ROBO3: variants seen among roughly 807,000 people sequenced by gnomAD.
ROBO3 encodes the protein roundabout guidance receptor 3, also known as roundabout homolog 3.
Under a neutral mutation model 160.5 loss-of-function variants are expected in ROBO3, and 97 were observed. The ratio of observed to expected loss-of-function variants is 0.60; its 90% CI spans 0.51 to 0.72. The LOEUF (loss-of-function observed/expected upper bound fraction) is 0.72, where lower values mean the gene tolerates loss of function less well. Ranked by LOEUF, ROBO3 falls within the 30% of genes least tolerant of loss-of-function variation. The probability of loss-of-function intolerance (pLI) is 0.00; values close to 1 mark genes in which losing one functional copy is unlikely to be tolerated. For missense variants in ROBO3, 1,858 were observed against 1,846.5 expected (o/e 1.01, Z -0.11); for synonymous variants, 780 against 746.2 (o/e 1.05, Z -0.74).
Position 124,865,481 on chromosome 11 carries a change from C to T in ROBO3, c.-97C>T, listed in dbSNP as rs1305930500. On this transcript the variant is annotated 5_prime_UTR_variant, in exon 1 of 28. Transcript: ENST00000397801. This position sits in a 1 kb window ranked among gnomAD's most constrained non-coding sequence, Gnocchi z 5.5. ...GCGGCACCGTGGCTGCCGCAGCGCGCAGAGGCTGTGGAGGGGCTTACGGCT... is the reference window on the plus strand; with the variant it reads ...GCGGCACCGTGGCTGCCGCAGCGCGTAGAGGCTGTGGAGGGGCTTACGGCT... 1.5e-6 allele frequency: 2 copies of T among 1,294,612 alleles called. No homozygotes were observed. The highest frequency in any genetic ancestry group is 2.5e-5 in the East Asian group (1 of 39,542). 80.2% of individuals were successfully genotyped at this position (1,294,612 alleles called of 1,614,324 possible).
chr11:124,865,496 G>T lies in ROBO3; in HGVS notation c.-82G>T. On this transcript the variant is annotated 5_prime_UTR_variant, in exon 1 of 28. Coordinates refer to ENST00000397801, the MANE Select transcript of ROBO3 (RefSeq NM_022370.4). The surrounding 1 kb of genome is among the most constrained non-coding windows in gnomAD (Gnocchi z 5.5). ...CCGCAGCGCGCAGAGGCTGTGGAGG[G>T]GCTTACGGCTCCCAGCCCACGGGTC... is the stretch of plus-strand genomic sequence containing the variant. 6.9e-7 allele frequency: 1 copy of T among 1,443,326 alleles called. No homozygotes were observed. Among genetic ancestry groups the T allele is most frequent in the Non-Finnish European group, 9.4e-7 (1 of 1,058,792 alleles). 89.4% of individuals were successfully genotyped at this position (1,443,326 alleles called of 1,614,324 possible).
rs940701588 is a variant in ROBO3, at chr11:124,872,329, C to T, written c.1159-52C>T. The T allele has an allele frequency of 2.3e-5, 35 of 1,545,988 alleles. No homozygotes were observed. Among genetic ancestry groups the T allele is most frequent in the Non-Finnish European group, 3.0e-5 (34 of 1,118,494 alleles). On this transcript the variant is annotated intron_variant, in intron 7 of 27. Transcript: ENST00000397801. The surrounding 1 kb of genome is among the most constrained non-coding windows in gnomAD (Gnocchi z 4.3). Reference sequence around the variant, plus strand: ...AGATTGACAGGAATGGGGACCTCTCCCTGCCCAGCTGCCTGCTCATTCCCT... The same window carrying T: ...AGATTGACAGGAATGGGGACCTCTCTCTGCCCAGCTGCCTGCTCATTCCCT...
chr11:124,870,356 T>G, intron 5 of ROBO3, 53 bp downstream of exon 5: 4 of 1,576,408 alleles, frequency 2.5e-6, no homozygotes, highest in Non-Finnish European at 3.4e-6. Flanking sequence ...AAGAGACTAT[T>G]CTGCCCTAGA....
chr11:124,876,481 CG>C lies in ROBO3; in HGVS notation c.2779+23del. On this transcript the variant is annotated intron_variant, in intron 17 of 27. Coordinates refer to ENST00000397801, the MANE Select transcript of ROBO3 (RefSeq NM_022370.4). The surrounding 1 kb of genome is among the most constrained non-coding windows in gnomAD (Gnocchi z 5.3). Reference sequence around the variant, plus strand: ...CACGGGTGAGCTCCCGGCCTCGGAGCGGACGGATCCGGGAGGGAGCCAGGCG... The same window carrying C: ...CACGGGTGAGCTCCCGGCCTCGGAGCGACGGATCCGGGAGGGAGCCAGGCG... 1 of 1,362,116 alleles carries C rather than the reference CG, an allele frequency of 7.3e-7. No homozygotes were observed. The highest frequency in any genetic ancestry group is 9.4e-7 in the Non-Finnish European group (1 of 1,062,698). The allele number at this position is 1,362,116 out of a possible 1,614,324, so 84.4% of individuals were successfully genotyped here.
chr11:124,878,632 G>A lies in ROBO3; in HGVS notation c.3369G>A (p.Leu1123=). 6.2e-7 allele frequency: 1 copy of A among 1,613,208 alleles called. No individual in the cohort carries two copies. ...CGCCAATGCCTGAGAGAAGTCACCT[G>A]ACGGAGCCCAGCTCCAGTGGAGGGT... ...WCPPMPERSH[L]TEPSSSGGCL... Residue 1123 remains leucine, a synonymous_variant, in exon 23 of 28, where the codon CTG becomes CTA. Transcript: ENST00000397801. This position sits in a 1 kb window ranked among gnomAD's most constrained non-coding sequence, Gnocchi z 4.3.
rs546418901 is a variant in ROBO3 at position 124,879,749 on chromosome 11, G to A, written c.3797-38G>A. Reference sequence around the variant, plus strand: ...GGTGAGAGAAAGATTAGTGACAGGAGTGGCAGGAGGCTCCGCTGAAAACAG... The same window carrying A: ...GGTGAGAGAAAGATTAGTGACAGGAATGGCAGGAGGCTCCGCTGAAAACAG... On this transcript the variant is annotated intron_variant, in intron 25 of 27. Transcript: ENST00000397801. 1.7e-5 allele frequency: 27 copies of A among 1,606,612 alleles called. 1 individual carries two copies. The East Asian group carries it at 3.6e-4, about 21-fold the overall frequency.
At position 124,877,646 on chromosome 11, in the gene ROBO3, A is replaced by G. The variant is rs749599829; in HGVS notation, c.2974A>G (p.Arg992Gly). The G allele has an allele frequency of 4.5e-5, 72 of 1,610,942 alleles. No homozygotes were observed. The highest frequency in any genetic ancestry group is 5.9e-5 in the Non-Finnish European group (70 of 1,178,772). Residue 992 changes from arginine to glycine, a missense_variant, in exon 20 of 28, where the codon AGA becomes GGA. Coordinates refer to ENST00000397801, the MANE Select transcript of ROBO3 (RefSeq NM_022370.4). ...CCPSNPDPDD[R>G]YYNEAGISLY... The stretch of plus-strand genomic sequence containing the variant: ...CCCTAGCAATCCTGACCCGGACGAC[A>G]GATATTACAACGGTGAGGAGTTCTC...
Position 124,873,529 on chromosome 11 carries a change from A to G in ROBO3, c.1618+138A>G. 1 of 1,021,150 alleles carries G rather than the reference A, an allele frequency of 9.8e-7. No homozygotes were observed. The highest frequency in any genetic ancestry group is 1.5e-6 in the Non-Finnish European group (1 of 683,716). The allele number at this position is 1,021,150 out of a possible 1,614,324, so 63.3% of individuals were successfully genotyped here. A position where few individuals can be genotyped will look rare whatever the true frequency, so the allele number is the denominator to read the frequency against. On this transcript the variant is annotated intron_variant, in intron 10 of 27. Transcript: ENST00000397801. The surrounding 1 kb of genome is among the most constrained non-coding windows in gnomAD (Gnocchi z 4.5). ...GGTTACGGTGGTGAGGATGAGAAGGACAGTAGTGGTACCCATGGGAGGCAG... is the reference window on the plus strand; with the variant it reads ...GGTTACGGTGGTGAGGATGAGAAGGGCAGTAGTGGTACCCATGGGAGGCAG...
rs750754042 is a variant in ROBO3 at position 124,873,363 on chromosome 11, C to T, written c.1590C>T (p.Ala530=). The change falls in exon 10 of 28, where the codon GCC becomes GCT. Residue 530 remains alanine, a synonymous_variant. Transcript: ENST00000397801. This position sits in a 1 kb window ranked among gnomAD's most constrained non-coding sequence, Gnocchi z 4.5. The part of the protein sequence containing the change: ...SCVAKSSTGE[A]TWSGWLKMRE... Reference sequence around the variant, plus strand: ...TGGCCAAGAGTTCCACAGGGGAAGCCACATGGAGCGGCTGGCTTAAGATGC... The same window carrying T: ...TGGCCAAGAGTTCCACAGGGGAAGCTACATGGAGCGGCTGGCTTAAGATGC... 2 of 1,612,622 alleles carry T rather than the reference C, an allele frequency of 1.2e-6. No individual in the cohort carries two copies. The highest frequency in any genetic ancestry group is 1.1e-5 in the South Asian group (1 of 90,514).
chr11:124,873,201 T>C lies in ROBO3; in HGVS notation c.1537-109T>C. 7.2e-7 allele frequency: 1 copy of C among 1,395,740 alleles called. No homozygotes were observed. The highest frequency in any genetic ancestry group is 9.9e-7 in the Non-Finnish European group (1 of 1,005,664). The allele number at this position is 1,395,740 out of a possible 1,614,324, so 86.5% of individuals were successfully genotyped here. ...GCCCCATCTTTACCCCTCTGTTCTC[T>C]CAGAGCACCTAGTATCCAACATCTT... On this transcript the variant is annotated intron_variant, in intron 9 of 27. Transcript: ENST00000397801. This position sits in a 1 kb window ranked among gnomAD's most constrained non-coding sequence, Gnocchi z 4.5.
chr11:124,870,085 T>C lies in ROBO3; in HGVS notation c.766+17T>C, dbSNP rs1398149771. ...TGGTACTGGGTAGGCACAGGGAATT[T>C]TGACATTATGGGAACAGGTAGCCTG... On this transcript the variant is annotated intron_variant, in intron 4 of 27. Transcript: ENST00000397801. 1 of 1,613,918 alleles carries C rather than the reference T, an allele frequency of 6.2e-7. No homozygotes were observed. The highest frequency in any genetic ancestry group is 8.5e-7 in the Non-Finnish European group (1 of 1,179,840).
At position 124,873,836 on chromosome 11, in the gene ROBO3, C is replaced by CA; in HGVS notation, c.1759dup (p.Thr587AsnfsTer53). The CA allele has an allele frequency of 6.2e-7, 1 of 1,613,564 alleles. No individual in the cohort carries two copies. Among genetic ancestry groups the CA allele is most frequent in the Non-Finnish European group, 8.5e-7 (1 of 1,179,668 alleles). On this transcript the variant is annotated frameshift_variant, in exon 11 of 28. Coordinates refer to ENST00000397801, the MANE Select transcript of ROBO3 (RefSeq NM_022370.4). LOFTEE classifies it high-confidence loss of function. This position sits in a 1 kb window ranked among gnomAD's most constrained non-coding sequence, Gnocchi z 4.5. ...CCAACCCACAAACTGGGGCTGCAGT[C>CA]ACGTCTTATGTGATAGAGGCCTTCA...
Position 124,873,638 on chromosome 11 carries a change from G to C in ROBO3, c.1619-59G>C. 2.7e-6 allele frequency: 4 copies of C among 1,490,578 alleles called. No individual in the cohort carries two copies. The highest frequency in any genetic ancestry group is 3.6e-6 in the Non-Finnish European group (4 of 1,098,564). 92.3% of individuals were successfully genotyped at this position (1,490,578 alleles called of 1,614,324 possible). ...CCATAGCTCCCCTGGTAAGGAGACA[G>C]GTTACACTAGGATTATCCTTTCCCT... is the stretch of plus-strand genomic sequence containing the variant. On this transcript the variant is annotated intron_variant, in intron 10 of 27. Coordinates refer to ENST00000397801, the MANE Select transcript of ROBO3 (RefSeq NM_022370.4). The surrounding 1 kb of genome is among the most constrained non-coding windows in gnomAD (Gnocchi z 4.5).
At position 124,879,591 on chromosome 11, in the gene ROBO3, C is replaced by T. The variant is rs758206469; in HGVS notation, c.3796+16C>T. On this transcript the variant is annotated intron_variant, in intron 25 of 27. Transcript: ENST00000397801. Reference sequence around the variant, plus strand: ...AGTCCTGGGGGTGAGGGGGGATGCACCTGGGAGATGGTGACAGTAGTGGCG... The same window carrying T: ...AGTCCTGGGGGTGAGGGGGGATGCATCTGGGAGATGGTGACAGTAGTGGCG... 6.2e-7 allele frequency: 1 copy of T among 1,600,422 alleles called. No individual in the cohort carries two copies.
rs1038731975 is a variant in ROBO3, at chr11:124,870,595, G to A, written c.906-6G>A. ...CCAACCCAGCCTGGGGTGGGGAGTGGAGCAGGTATGAGATCCGGAGTGACC... is the reference window on the plus strand; with the variant it reads ...CCAACCCAGCCTGGGGTGGGGAGTGAAGCAGGTATGAGATCCGGAGTGACC... On this transcript the variant is annotated splice_polypyrimidine_tract_variant and splice_region_variant and intron_variant, in intron 5 of 27. Transcript: ENST00000397801. 3 of 1,613,740 alleles carry A rather than the reference G, an allele frequency of 1.9e-6. No individual in the cohort carries two copies. The highest frequency in any genetic ancestry group is 2.7e-5 in the African/African-American group (2 of 75,048).
Position 124,879,290 on chromosome 11 carries a change from T to C in ROBO3, c.3634T>C (p.Ser1212Pro). Residue 1212 changes from serine (S) to proline (P), a missense_variant, in exon 24 of 28, where the codon TCA (serine) becomes CCA (proline). Transcript: ENST00000397801. ...TGGCTTGGGTGCTGGCCCTGCAGCC[T>C]CACCCCACCTCAGCCCCAGTCCTGC... ...PAGLGAGPAA[S>P]PHLSPSPAPS... 6.2e-7 allele frequency: 1 copy of C among 1,600,672 alleles called. No homozygotes were observed. The highest frequency in any genetic ancestry group is 8.5e-7 in the Non-Finnish European group (1 of 1,174,450).
intron 1 of ROBO3, among the ~76,000 whole-genome samples, chr11:124,866,856 G>A (rs553216714): frequency 7.9e-5 from 12 of 152,234 alleles, no homozygotes; most frequent in African/African-American, 2.9e-4. Flanking sequence ...GACGATGGGG[G>A]AGGAGCCCGA....
chr11:124,876,548 G>C lies in ROBO3; in HGVS notation c.2779+88G>C. The C allele has an allele frequency of 8.6e-7, 1 of 1,157,388 alleles. No individual in the cohort carries two copies. Among genetic ancestry groups the C allele is most frequent in the Non-Finnish European group, 1.1e-6 (1 of 889,736 alleles). The allele number at this position is 1,157,388 out of a possible 1,614,324, so 71.7% of individuals were successfully genotyped here. The stretch of plus-strand genomic sequence containing the variant: ...CAGGGGCTTAGCCGCTGGCGAGTGA[G>C]GACCGGGTCGGGAGAAAGGGGTCGC... On this transcript the variant is annotated intron_variant, in intron 17 of 27. Transcript: ENST00000397801. This position sits in a 1 kb window ranked among gnomAD's most constrained non-coding sequence, Gnocchi z 5.3.
Position 124,876,167 on chromosome 11 carries a change from C to T in ROBO3, c.2593+42C>T, listed in dbSNP as rs750579769. On this transcript the variant is annotated intron_variant, in intron 16 of 27. Transcript: ENST00000397801. This position sits in a 1 kb window ranked among gnomAD's most constrained non-coding sequence, Gnocchi z 5.3. ...GCAGTGCTGAGGATCTTGACGGGGG[C>T]GGGGCAAGCCCCCCACTGGGGTAGC... 22 of 1,556,598 alleles carry T rather than the reference C, an allele frequency of 1.4e-5. No homozygotes were observed. The highest frequency in any genetic ancestry group is 3.6e-5 in the South Asian group (3 of 84,382).
Sources: allele counts gnomAD v4.1 joint callset (sites outside exome capture counted in the v4.1 genomes callset), GRCh38; gene constraint gnomAD v4.1.1; non-coding constraint Gnocchi (gnomAD v3.1); transcripts MANE v1.5; gene names NCBI Gene and HGNC (gene_info 2026-07-23, HGNC 2026-07-21).